The following MROH2A variants were observed in gnomAD, a reference collection of about 807,000 sequenced individuals.
MROH2A encodes the protein maestro heat like repeat family member 2A.
A neutral mutation model predicts 200.4 loss-of-function variants in MROH2A; 174 were observed. The observed-to-expected ratio is 0.87, with a 90% CI of 0.77 to 0.98. The LOEUF (loss-of-function observed/expected upper bound fraction) is 0.98, where lower values mean the gene tolerates loss of function less well. Ranked by LOEUF, MROH2A falls within the 50% of genes least tolerant of loss-of-function variation. MROH2A has a pLI of 0.00. For synonymous variants in MROH2A, 829 were observed against 840.4 expected (o/e 0.99, Z 0.23); for missense variants, 2,045 against 2,139.6 (o/e 0.96, Z 0.87).
intron 35 of MROH2A, among the ~76,000 whole-genome samples, chr2:233,826,038 C>T (rs964386233): frequency 6.7e-6 from 1 of 149,884 alleles, no homozygotes; most frequent in Non-Finnish European, 1.5e-5. Context: ...AATTCTCCTG[C>T]CTCAGCCTTT....
chr2:233,798,664 G>T, intron 11 of MROH2A, 110 bp from the exon 12 acceptor site: 1 of 761,242 alleles, frequency 1.3e-6, no homozygotes, highest in Non-Finnish European at 2.3e-6. Context: ...AAGTGCCCCT[G>T]AGCTTGGAGA....
At position 233,833,057 on chromosome 2, in the gene MROH2A, C is replaced by A. The variant is rs75551507; in HGVS notation, c.4904-81C>A. On this transcript the variant is annotated intron_variant, in intron 41 of 41. Transcript: ENST00000389758. Reference sequence around the variant, plus strand: ...CCTGCCCACCTTCTGCGGCCCTTGCCTGCCATCACTGCCCAGGGCATGCAG... The same window carrying A: ...CCTGCCCACCTTCTGCGGCCCTTGCATGCCATCACTGCCCAGGGCATGCAG... The A allele has an allele frequency of 1.2e-3, 1,704 of 1,448,430 alleles. 25 individuals carry two copies. The African/African-American group carries it at 0.022, about 19-fold the overall frequency. 89.7% of individuals were successfully genotyped at this position (1,448,430 alleles called of 1,614,324 possible). A position where few individuals can be genotyped will look rare whatever the true frequency, so the allele number is the denominator to read the frequency against.
At chr2:233,780,909 C>A (rs2126079052) in intron 3 of MROH2A, among the ~76,000 whole-genome samples, 1 of 152,234 alleles carries the variant, frequency 6.6e-6, no homozygotes, top group Admixed American at 6.5e-5. Context: ...TTTCCCATAC[C>A]CTAATACCGA....
intron 35 of MROH2A, among the ~76,000 whole-genome samples, chr2:233,824,115 G>A (rs1045974036): frequency 5.9e-5 from 9 of 151,470 alleles, no homozygotes; most frequent in Non-Finnish European, 8.8e-5. Context: ...GCCAGAGGCC[G>A]GCCAGTGTTT....
At chr2:233,788,058 A>G (rs1157460606) in intron 3 of MROH2A, among the ~76,000 whole-genome samples, 23 of 77,954 alleles carry the variant, frequency 3.0e-4, no homozygotes, top group Admixed American at 4.5e-4. Flanking sequence ...TTATATATAC[A>G]TATATTATAT....
rs760423080 is a variant in MROH2A, at chr2:233,817,588, C to A, written c.2962-414C>A. Reference sequence around the variant, plus strand: ...ACCTGGGCTCTCATGACATTCCCTGCAAGAGGAGGTGCCATCATCATCTCC... The same window carrying A: ...ACCTGGGCTCTCATGACATTCCCTGAAAGAGGAGGTGCCATCATCATCTCC... On this transcript the variant is annotated intron_variant, in intron 27 of 41. Coordinates refer to ENST00000389758, the MANE Select transcript of MROH2A (RefSeq NM_001394639.1). Among the ~76,000 whole-genome samples the A allele has an allele frequency of 5.3e-5, 8 of 152,328 alleles. No individual in the cohort carries two copies. The South Asian group carries it at 1.7e-3, about 32-fold the overall frequency.
At position 233,828,596 on chromosome 2, in the gene MROH2A, C is replaced by G; in HGVS notation, c.4114-34C>G. On this transcript the variant is annotated intron_variant, in intron 35 of 41. Transcript: ENST00000389758. The surrounding 1 kb of genome is among the most constrained non-coding windows in gnomAD (Gnocchi z 4.6). Reference sequence around the variant, plus strand: ...CCTTGCTGCTGAGAAATGAGCCCGCCCTGGGGATAACTGCCCAATGTCCTC... The same window carrying G: ...CCTTGCTGCTGAGAAATGAGCCCGCGCTGGGGATAACTGCCCAATGTCCTC... 2 of 1,544,660 alleles carry G rather than the reference C, an allele frequency of 1.3e-6. No individual in the cohort carries two copies. The highest frequency in any genetic ancestry group is 1.8e-6 in the Non-Finnish European group (2 of 1,142,418).
intron 3 of MROH2A, among the ~76,000 whole-genome samples, chr2:233,787,470 A>G (rs1394380585): frequency 7.4e-6 from 1 of 134,286 alleles, no homozygotes; most frequent in African/African-American, 2.8e-5. Flanking sequence ...ATATATATAC[A>G]CATATACATA....
In MROH2A at chr2:233,818,760, G is replaced by A. The variant is rs1259331541; in HGVS notation, c.3194G>A (p.Arg1065Lys). 6.5e-7 allele frequency: 1 copy of A among 1,546,140 alleles called. No homozygotes were observed. The highest frequency in any genetic ancestry group is 8.7e-7 in the Non-Finnish European group (1 of 1,143,242). The change falls in exon 29 of 42, where the codon AGA becomes AAA. Residue 1065 changes from arginine (R) to lysine (K), a missense_variant. Coordinates refer to ENST00000389758, the MANE Select transcript of MROH2A (RefSeq NM_001394639.1). ...DVEKIFCASS[R>K]IAKVVCMEFS... ...GAGAAGATCTTCTGTGCATCCTCCA[G>A]AATCGCCAAGGTGACAGCCGGGGAG... is the stretch of plus-strand genomic sequence containing the variant.
chr2:233,788,933 C>T (rs1045839468), intron 3 of MROH2A, among the ~76,000 whole-genome samples: 4 of 113,588 alleles, frequency 3.5e-5, no homozygotes, highest in South Asian at 3.0e-4. Flanking sequence ...AGCGAGACTC[C>T]GTCTCAAAAA....
intron 35 of MROH2A, among the ~76,000 whole-genome samples, chr2:233,824,851 T>C (rs1704196156): frequency 6.6e-6 from 1 of 152,270 alleles, no homozygotes; most frequent in African/African-American, 2.4e-5. Flanking sequence ...TTTTTTCTAA[T>C]TCTGTGAAGA....
rs1190580941 is a variant in MROH2A at position 233,807,480 on chromosome 2, G to GT, written c.2111dup (p.Glu705GlyfsTer16). 6.4e-7 allele frequency: 1 copy of GT among 1,550,530 alleles called. No individual in the cohort carries two copies. Among genetic ancestry groups the GT allele is most frequent in the East Asian group, 2.4e-5 (1 of 40,938 alleles). On this transcript the variant is annotated frameshift_variant, in exon 20 of 42. Transcript: ENST00000389758. LOFTEE classifies it high-confidence loss of function. This position sits in a 1 kb window ranked among gnomAD's most constrained non-coding sequence, Gnocchi z 4.3. The stretch of plus-strand genomic sequence containing the variant: ...GGCCACAGGCCTGGAGGCCAGCAAG[G>GT]TGGAGGTCCTGCTGTTGGAGCTGCT...
At position 233,807,264 on chromosome 2, in the gene MROH2A, A is replaced by G. The variant is rs1279536282; in HGVS notation, c.2053-159A>G. On this transcript the variant is annotated intron_variant, in intron 19 of 41. Coordinates refer to ENST00000389758, the MANE Select transcript of MROH2A (RefSeq NM_001394639.1). The surrounding 1 kb of genome is among the most constrained non-coding windows in gnomAD (Gnocchi z 4.3). ...TGATGGGCATTTGGGCTGCTTCCAC[A>G]TTTTTGCACTTGTGAATTGTGCTGC... Among the ~76,000 whole-genome samples the G allele has an allele frequency of 2.0e-5, 3 of 152,114 alleles. No homozygotes were observed. Among genetic ancestry groups the G allele is most frequent in the Non-Finnish European group, 4.4e-5 (3 of 68,024 alleles).
At chr2:233,798,432 T>G (rs1326628063) in intron 11 of MROH2A, among the ~76,000 whole-genome samples, 2 of 152,140 alleles carry the variant, frequency 1.3e-5, no homozygotes, top group Non-Finnish European at 2.9e-5. Context: ...ACGGTGGTGC[T>G]TTGCAACCTC....
At chr2:233,789,810 G>A (rs756836033) in intron 4 of MROH2A, 42 bp from the exon 5 acceptor site, 20 of 1,524,946 alleles carry the variant, frequency 1.3e-5, no homozygotes, top group African/African-American at 4.1e-5. Flanking sequence ...CTGGAGGCCC[G>A]GCTGGTGGTG....
At chr2:233,826,802 A>C (rs1704342777) in intron 35 of MROH2A, among the ~76,000 whole-genome samples, 1 of 152,232 alleles carries the variant, frequency 6.6e-6, no homozygotes, top group Non-Finnish European at 1.5e-5. Context: ...AGAGTTGAAG[A>C]AAATCTTTGC....
At chr2:233,801,962 C>T (rs1442707210) in intron 14 of MROH2A, among the ~76,000 whole-genome samples, 1 of 152,172 alleles carries the variant, frequency 6.6e-6, no homozygotes, top group African/African-American at 2.4e-5. Flanking sequence ...CTAGCAGACT[C>T]TCTTGCCACA....
rs1702995817 is a variant in MROH2A at position 233,809,203 on chromosome 2, C to T, written c.2373C>T (p.His791=). 1 of 1,550,556 alleles carries T rather than the reference C, an allele frequency of 6.4e-7. No individual in the cohort carries two copies. Among genetic ancestry groups the T allele is most frequent in the Non-Finnish European group, 8.7e-7 (1 of 1,146,966 alleles). ...VMYSCVASYC[H]PQLLLNLVDS... ...ATAGCTGCGTGGCCTCCTACTGCCA[C>T]CCCCAGTTGCTCCTCAACCTCGTGG... Residue 791 remains histidine (H), a synonymous_variant, in exon 22 of 42, where the codon CAC becomes CAT. Coordinates refer to ENST00000389758, the MANE Select transcript of MROH2A (RefSeq NM_001394639.1).
intron 8 of MROH2A, among the ~76,000 whole-genome samples, chr2:233,794,909 C>T (rs913024530): frequency 6.6e-6 from 1 of 152,190 alleles, no homozygotes; most frequent in African/African-American, 2.4e-5. Flanking sequence ...TCTAAGGAAG[C>T]AAGCTCTCTT....
Sources: gnomAD v4.1 joint callset for allele counts (sites outside exome capture counted in the v4.1 genomes callset) on GRCh38, gnomAD v4.1.1 for gene constraint, Gnocchi (gnomAD v3.1) non-coding constraint, MANE v1.5 for transcripts, NCBI Gene and HGNC (gene_info 2026-07-23, HGNC 2026-07-21) for gene names.